Variants in ST3GAL4 observed in about 807,000 individuals in gnomAD.
ST3GAL4 encodes ST3 beta-galactoside alpha-2,3-sialyltransferase 4, also known as CMP-N-acetylneuraminate-beta-galactosamide-alpha-2,3-sialyltransferase 4.
Under a neutral mutation model 42.6 loss-of-function variants are expected in ST3GAL4, and 24 were observed. The observed-to-expected ratio is 0.56, with a 90% CI of 0.41 to 0.79. ST3GAL4 has a LOEUF of 0.79. ST3GAL4 is among the 30% of genes least tolerant of loss of function. ST3GAL4 has a pLI of 0.00. For missense variants in ST3GAL4, 311 were observed against 430.8 expected (o/e 0.72, Z 2.46); for synonymous variants, 135 against 163.2 (o/e 0.83, Z 1.32).
At position 126,400,746 on chromosome 11, in the gene ST3GAL4, C is replaced by T. The variant is rs1301551103; in HGVS notation, c.-60-5350C>T. Among the ~76,000 whole-genome samples the T allele has an allele frequency of 1.3e-5, 2 of 152,130 alleles. No individual in the cohort carries two copies. Among genetic ancestry groups the T allele is most frequent in the Non-Finnish European group, 2.9e-5 (2 of 68,022 alleles). On this transcript the variant is annotated intron_variant, in intron 1 of 10. Coordinates refer to ENST00000444328, the MANE Select transcript of ST3GAL4 (RefSeq NM_001254757.2). This position sits in a 1 kb window ranked among gnomAD's most constrained non-coding sequence, Gnocchi z 4.6. ...GTGGTGAAGAGACCAGTTAGGAAGC[C>T]TGTAACTTGGGGTGGGATCTGGAAC...
chr11:126,370,346 A>G (rs761492076), intron 1 of ST3GAL4, among the ~76,000 whole-genome samples: 4 of 152,184 alleles, frequency 2.6e-5, no homozygotes, highest in Admixed American at 6.5e-5. Context: ...TGGTATCTCA[A>G]CCACACCGGA....
chr11:126,367,402 G>A (rs1216148045), intron 1 of ST3GAL4, among the ~76,000 whole-genome samples: 2 of 152,188 alleles, frequency 1.3e-5, no homozygotes, highest in African/African-American at 4.8e-5. Flanking sequence ...ACCAGGAGAG[G>A]TGAGTATGAT....
rs1485666715 is a variant in ST3GAL4 at position 126,411,574 on chromosome 11, G to A, written c.772-1931G>A. On this transcript the variant is annotated intron_variant, in intron 9 of 10. Transcript: ENST00000444328. The surrounding 1 kb of genome is among the most constrained non-coding windows in gnomAD (Gnocchi z 6.3). ...TCTCTGTTTAGGGTGTCACAAGGCT[G>A]GACTCGGTGTGTCAACCAGACAGTT... is the stretch of plus-strand genomic sequence containing the variant. Among the ~76,000 whole-genome samples the A allele has an allele frequency of 1.3e-5, 2 of 152,178 alleles. No individual in the cohort carries two copies. The highest frequency in any genetic ancestry group is 2.4e-5 in the African/African-American group (1 of 41,430).
intron 1 of ST3GAL4, among the ~76,000 whole-genome samples, chr11:126,390,583 G>C (rs554013430): frequency 6.9e-6 from 1 of 144,900 alleles, no homozygotes; most frequent in African/African-American, 2.6e-5. Flanking sequence ...CAAGTGTTTG[G>C]GTTTAATCTG....
intron 1 of ST3GAL4, among the ~76,000 whole-genome samples, chr11:126,368,334 C>G (rs1219658876): frequency 6.6e-6 from 1 of 152,202 alleles, no homozygotes; most frequent in Non-Finnish European, 1.5e-5. Flanking sequence ...CCCATCTCTA[C>G]TAAAAAGAAA....
chr11:126,372,934 G>A (rs1041965522), intron 1 of ST3GAL4, among the ~76,000 whole-genome samples: 1 of 152,106 alleles, frequency 6.6e-6, no homozygotes, highest in Non-Finnish European at 1.5e-5. Flanking sequence ...CAGTTCTTTG[G>A]GGTATATACC....
rs1239186575 is a variant in ST3GAL4 at position 126,388,679 on chromosome 11, T to TTTTTTTTTTTTTTTTTTTTC, written c.-60-17415_-60-17414insTTTTTTTTTTTTTTTTTCTT. ...TTTCTTGTTTTTTTTTTTTTTTTTT[T>TTTTTTTTTTTTTTTTTTTTC]TTCTGATTTACGTGAGCACATCATA... On this transcript the variant is annotated intron_variant, in intron 1 of 10. Coordinates refer to ENST00000444328, the MANE Select transcript of ST3GAL4 (RefSeq NM_001254757.2). Among the ~76,000 whole-genome samples the TTTTTTTTTTTTTTTTTTTTC allele has an allele frequency of 3.0e-4, 37 of 122,712 alleles. 2 individuals are homozygous for TTTTTTTTTTTTTTTTTTTTC. The highest frequency in any genetic ancestry group is 8.3e-4 in the African/African-American group (24 of 29,058). The allele number at this position is 122,712 out of a possible 152,430, so 80.5% of individuals were successfully genotyped here. A position where few individuals can be genotyped will look rare whatever the true frequency, so the allele number is the denominator to read the frequency against.
intron 1 of ST3GAL4, 107 bp from the exon 2 acceptor site, chr11:126,405,989 C>T (rs1282155761): frequency 2.9e-6 from 4 of 1,371,056 alleles, no homozygotes; most frequent in Non-Finnish European, 4.0e-6. Flanking sequence ...GAGCAGCTTC[C>T]TGCTTTCTGG....
At chr11:126,388,154 TC>T (rs1186067216) in intron 1 of ST3GAL4, among the ~76,000 whole-genome samples, 2 of 152,232 alleles carry the variant, frequency 1.3e-5, no homozygotes, top group Admixed American at 6.5e-5. Context: ...TAGTTTTTCT[TC>T]CTAGTACATC....
In ST3GAL4 at chr11:126,384,438, G is replaced by A. The variant is rs1162081547; in HGVS notation, c.-60-21658G>A. On this transcript the variant is annotated intron_variant, in intron 1 of 10. Coordinates refer to ENST00000444328, the MANE Select transcript of ST3GAL4 (RefSeq NM_001254757.2). This position sits in a 1 kb window ranked among gnomAD's most constrained non-coding sequence, Gnocchi z 5.5. ...TGCTGTCCCTGCTTGGGGATTTTGG[G>A]GTACTGGGTTTGGATAGAGTGTGTC... 6.6e-6 allele frequency among the ~76,000 whole-genome samples: 1 copy of A among 152,004 alleles called. No homozygotes were observed. The highest frequency in any genetic ancestry group is 2.4e-5 in the African/African-American group (1 of 41,366).
At position 126,386,735 on chromosome 11, in the gene ST3GAL4, G is replaced by C. The variant is rs887274539; in HGVS notation, c.-60-19361G>C. ...CAAACACCGGTGGGTGGCTCTGCCAGCTTCCCCTGGGGTGCTTCTGGCAAC... is the reference window on the plus strand; with the variant it reads ...CAAACACCGGTGGGTGGCTCTGCCACCTTCCCCTGGGGTGCTTCTGGCAAC... On this transcript the variant is annotated intron_variant, in intron 1 of 10. Coordinates refer to ENST00000444328, the MANE Select transcript of ST3GAL4 (RefSeq NM_001254757.2). The surrounding 1 kb of genome is among the most constrained non-coding windows in gnomAD (Gnocchi z 4.7). Among the ~76,000 whole-genome samples the C allele has an allele frequency of 6.6e-6, 1 of 152,182 alleles. No homozygotes were observed. Among genetic ancestry groups the C allele is most frequent in the Non-Finnish European group, 1.5e-5 (1 of 68,022 alleles).
chr11:126,396,755 T>C lies in ST3GAL4; in HGVS notation c.-60-9341T>C, dbSNP rs7395043. Among the ~76,000 whole-genome samples the C allele has an allele frequency of 0.16, 23,596 of 148,544 alleles. 3,077 individuals carry two copies. Among genetic ancestry groups the C allele is most frequent in the East Asian group, 0.69 (3,072 of 4,474 alleles). On this transcript the variant is annotated intron_variant, in intron 1 of 10. Transcript: ENST00000444328. This position sits in a 1 kb window ranked among gnomAD's most constrained non-coding sequence, Gnocchi z 5.8. Reference sequence around the variant, plus strand: ...AGGTTCTGGCTGAAGGAGCCAGAATTCCAGTGCCAGCTCCACTCCTCACGA... The same window carrying C: ...AGGTTCTGGCTGAAGGAGCCAGAATCCCAGTGCCAGCTCCACTCCTCACGA...
At chr11:126,407,412 C>G (rs1171946343) in intron 5 of ST3GAL4, 63 bp downstream of exon 5, 1 of 1,583,448 alleles carries the variant, frequency 6.3e-7, no homozygotes, top group East Asian at 2.2e-5. Context: ...TTCCTATTCT[C>G]TGCCGTCCAC....
rs1223425280 is a variant in ST3GAL4 at position 126,397,468 on chromosome 11, A to C, written c.-60-8628A>C. Among the ~76,000 whole-genome samples the C allele has an allele frequency of 6.6e-6, 1 of 151,200 alleles. No homozygotes were observed. The highest frequency in any genetic ancestry group is 2.5e-5 in the African/African-American group (1 of 40,576). ...TTGTTACCTCTAAGTGCTGAAATTA[A>C]GGTATAAACAACGTCTCATGGGAAC... On this transcript the variant is annotated intron_variant, in intron 1 of 10. Transcript: ENST00000444328. The surrounding 1 kb of genome is among the most constrained non-coding windows in gnomAD (Gnocchi z 5.0).
rs1408453077 is a variant in ST3GAL4 at position 126,376,088 on chromosome 11, C to A, written c.-61+20246C>A. 6.6e-6 allele frequency among the ~76,000 whole-genome samples: 1 copy of A among 152,038 alleles called. No individual in the cohort carries two copies. Among genetic ancestry groups the A allele is most frequent in the Non-Finnish European group, 1.5e-5 (1 of 68,020 alleles). ...AAGTTCCTGACCACAGAGTTCATAG[C>A]CTCACAGGCAAGATAGGAAAACACA... On this transcript the variant is annotated intron_variant, in intron 1 of 10. Coordinates refer to ENST00000444328, the MANE Select transcript of ST3GAL4 (RefSeq NM_001254757.2). This position sits in a 1 kb window ranked among gnomAD's most constrained non-coding sequence, Gnocchi z 5.1.
In ST3GAL4 at chr11:126,399,301, C is replaced by CTTTTTTTTTTT. The variant is rs58479155; in HGVS notation, c.-60-6784_-60-6774dup. Among the ~76,000 whole-genome samples the CTTTTTTTTTTT allele has an allele frequency of 4.9e-4, 43 of 87,738 alleles. 1 individual carries two copies. Among genetic ancestry groups the CTTTTTTTTTTT allele is most frequent in the East Asian group, 1.3e-3 (3 of 2,360 alleles). The allele number at this position is 87,738 out of a possible 152,430, so 57.6% of individuals were successfully genotyped here. A position where few individuals can be genotyped will look rare whatever the true frequency, so the allele number is the denominator to read the frequency against. On this transcript the variant is annotated intron_variant, in intron 1 of 10. Transcript: ENST00000444328. The stretch of plus-strand genomic sequence containing the variant: ...TATAAATTTCTTTCTTTCTTTCCTT[C>CTTTTTTTTTTT]TTTTTTTTTTTTTTTTTTTTTGAGA...
chr11:126,408,449 G>T lies in ST3GAL4; in HGVS notation c.580G>T (p.Ala194Ser). Residue 194 changes from alanine to serine, a missense_variant, in exon 8 of 11, where the codon GCA (alanine) becomes TCA (serine). Coordinates refer to ENST00000444328, the MANE Select transcript of ST3GAL4 (RefSeq NM_001254757.2). ...DTLLVLVAFK[A>S]MDFHWIETIL... ...ACTCCTCGTCCTGGTAGCTTTCAAGGCAATGGACTTCCACTGGATTGAGAC... is the reference window on the plus strand; with the variant it reads ...ACTCCTCGTCCTGGTAGCTTTCAAGTCAATGGACTTCCACTGGATTGAGAC... 6.2e-7 allele frequency: 1 copy of T among 1,614,216 alleles called. No homozygotes were observed. The highest frequency in any genetic ancestry group is 1.1e-5 in the South Asian group (1 of 91,080).
Position 126,363,544 on chromosome 11 carries a change from G to C in ST3GAL4, c.-61+7702G>C, listed in dbSNP as rs1952321807. On this transcript the variant is annotated intron_variant, in intron 1 of 10. Coordinates refer to ENST00000444328, the MANE Select transcript of ST3GAL4 (RefSeq NM_001254757.2). This position sits in a 1 kb window ranked among gnomAD's most constrained non-coding sequence, Gnocchi z 4.6. ...AACAAAAATGGCTCTTCCAGGAGTT[G>C]AGTTTGGCGAAGAGACAGTGCCTGC... Among the ~76,000 whole-genome samples, 1 of 152,194 alleles carries C rather than the reference G, an allele frequency of 6.6e-6. No individual in the cohort carries two copies. Among genetic ancestry groups the C allele is most frequent in the Non-Finnish European group, 1.5e-5 (1 of 68,036 alleles).
chr11:126,393,941 T>G lies in ST3GAL4; in HGVS notation c.-60-12155T>G, dbSNP rs1953619879. 6.6e-6 allele frequency among the ~76,000 whole-genome samples: 1 copy of G among 152,256 alleles called. No individual in the cohort carries two copies. Among genetic ancestry groups the G allele is most frequent in the African/African-American group, 2.4e-5 (1 of 41,466 alleles). On this transcript the variant is annotated intron_variant, in intron 1 of 10. Transcript: ENST00000444328. This position sits in a 1 kb window ranked among gnomAD's most constrained non-coding sequence, Gnocchi z 5.9. ...AATAATGAAGGTGATATTTTATTCTTTTTTTGGGGTACTAAATCTTTGAAA... is the reference window on the plus strand; with the variant it reads ...AATAATGAAGGTGATATTTTATTCTGTTTTTGGGGTACTAAATCTTTGAAA...
Sources: allele counts gnomAD v4.1 joint callset (sites outside exome capture counted in the v4.1 genomes callset), GRCh38; gene constraint gnomAD v4.1.1; non-coding constraint Gnocchi (gnomAD v3.1); transcripts MANE v1.5; gene names NCBI Gene and HGNC (gene_info 2026-07-23, HGNC 2026-07-21).